JCAD: variants seen among roughly 807,000 people sequenced by gnomAD.
JCAD encodes the protein junctional cadherin 5-associated protein.
In JCAD, 40 loss-of-function variants were observed where a neutral mutation model predicts 98.0. The ratio of observed to expected loss-of-function variants is 0.41; its 90% CI spans 0.32 to 0.53. The LOEUF is 0.53. Ranked by LOEUF, JCAD falls within the 20% of genes least tolerant of loss-of-function variation. The pLI is 0.31. For synonymous variants in JCAD, 691 were observed against 682.3 expected, an observed-to-expected ratio of 1.01 and a Z score of -0.20; for missense variants, 1,705 against 1,738.1, an observed-to-expected ratio of 0.98 and a Z score of 0.34.
intron 1 of JCAD, among the ~76,000 whole-genome samples, chr10:30,102,177 T>C (rs1243990116): frequency 6.6e-6 from 1 of 152,176 alleles, no homozygotes; most frequent in Non-Finnish European, 1.5e-5. Flanking sequence ...TTAATGTTTT[T>C]TCTTTTTTTG....
chr10:30,100,451 G>A (rs576853498), intron 1 of JCAD, among the ~76,000 whole-genome samples: 1 of 152,002 alleles, frequency 6.6e-6, no homozygotes, highest in Non-Finnish European at 1.5e-5. Context: ...ACGCGATCTC[G>A]GTTCACTGCA....
intron 2 of JCAD, among the ~76,000 whole-genome samples, chr10:30,065,575 C>T (rs1031217903): frequency 2.0e-5 from 3 of 151,992 alleles, no homozygotes; most frequent in Non-Finnish European, 4.4e-5. Flanking sequence ...GATCACAGCT[C>T]ACTGCAGCCT....
intron 2 of JCAD, among the ~76,000 whole-genome samples, chr10:30,035,995 CA>C (rs1837102286): frequency 6.6e-6 from 1 of 152,154 alleles, no homozygotes; most frequent in Non-Finnish European, 1.5e-5. Flanking sequence ...ATGTGAAAAA[CA>C]ATATGTTTAA....
chr10:30,091,830 C>T, intron 1 of JCAD, among the ~76,000 whole-genome samples: 1 of 143,860 alleles, frequency 7.0e-6, no homozygotes, highest in Admixed American at 7.1e-5. Flanking sequence ...TCAAGAGCAG[C>T]CTGGCCAAAA....
rs1374850322 is a variant in JCAD at position 30,013,400 on chromosome 10, C to T, written c.*4483G>A. 1 of 152,186 alleles carries T rather than the reference C, an allele frequency of 6.6e-6. No homozygotes were observed. The highest frequency in any genetic ancestry group is 1.5e-5 in the Non-Finnish European group (1 of 68,036). The allele number at this position is 152,186 out of a possible 1,614,324, so 9.4% of individuals were successfully genotyped here. A position where few individuals can be genotyped will look rare whatever the true frequency, so the allele number is the denominator to read the frequency against. On this transcript the variant is annotated 3_prime_UTR_variant, in exon 4 of 4. Transcript: ENST00000375377. Reference sequence around the variant, plus strand: ...CCCGAGATGTTTCTGCTTAACTTCTCTGACAGGCCTGACTGTGAGGGCTCG... The same window carrying T: ...CCCGAGATGTTTCTGCTTAACTTCTTTGACAGGCCTGACTGTGAGGGCTCG...
Position 30,014,720 on chromosome 10 carries a change from T to A in JCAD, c.*3163A>T, listed in dbSNP as rs1042465956. ...TAAGTCATTTTGCTGCTGCAAAAAA[T>A]GATCACAGTCTGGTTTCTGAGTCAT... On this transcript the variant is annotated 3_prime_UTR_variant, in exon 4 of 4. Coordinates refer to ENST00000375377, the MANE Select transcript of JCAD (RefSeq NM_020848.4). 6 of 152,114 alleles carry A rather than the reference T, an allele frequency of 3.9e-5. No individual in the cohort carries two copies. Among genetic ancestry groups the A allele is most frequent in the Non-Finnish European group, 8.8e-5 (6 of 68,028 alleles). 9.4% of individuals were successfully genotyped at this position (152,114 alleles called of 1,614,324 possible). A position where few individuals can be genotyped will look rare whatever the true frequency, so the allele number is the denominator to read the frequency against.
intron 1 of JCAD, among the ~76,000 whole-genome samples, chr10:30,079,882 C>A (rs1165152174): frequency 6.6e-6 from 1 of 152,188 alleles, no homozygotes; most frequent in Non-Finnish European, 1.5e-5. Context: ...TTAGGTCAGG[C>A]CTCACTTGCT....
At chr10:30,110,078 C>A (rs1186725196) in intron 1 of JCAD, among the ~76,000 whole-genome samples, 1 of 151,868 alleles carries the variant, frequency 6.6e-6, no homozygotes, top group African/African-American at 2.4e-5. Context: ...GATGTATAAA[C>A]CCATGGATGT....
intron 1 of JCAD, among the ~76,000 whole-genome samples, chr10:30,094,203 A>G (rs1838331502): frequency 6.6e-6 from 1 of 152,074 alleles, no homozygotes; most frequent in African/African-American, 2.4e-5. Context: ...GCACTTTGGG[A>G]GGCCAAGACA....
chr10:30,094,381 G>A (rs373878002), intron 1 of JCAD, among the ~76,000 whole-genome samples: 5 of 152,106 alleles, frequency 3.3e-5, no homozygotes, highest in African/African-American at 9.6e-5. Context: ...CCCGGGAGGC[G>A]GGAGGTTGTG....
At chr10:30,040,588 C>T (rs138110831) in intron 2 of JCAD, among the ~76,000 whole-genome samples, 5 of 152,318 alleles carry the variant, frequency 3.3e-5, no homozygotes, top group East Asian at 1.9e-4. Flanking sequence ...CTCCGACCCA[C>T]GGTTCTTCAG....
intron 1 of JCAD, among the ~76,000 whole-genome samples, chr10:30,052,752 C>A (rs1389072705): frequency 6.6e-6 from 1 of 152,170 alleles, no homozygotes; most frequent in Non-Finnish European, 1.5e-5. Context: ...CCCGTCAGCA[C>A]CCTCCCTTGC....
At chr10:30,043,550 G>A (rs147123326) in intron 2 of JCAD, among the ~76,000 whole-genome samples, 6 of 151,790 alleles carry the variant, frequency 4.0e-5, no homozygotes, top group Admixed American at 1.3e-4. Flanking sequence ...GCATTATCTC[G>A]TGTAGACAGG....
In JCAD at chr10:30,041,173, C is replaced by T. The variant is rs547986637; in HGVS notation, c.281+6359G>A. On this transcript the variant is annotated intron_variant, in intron 2 of 3. Transcript: ENST00000375377. ...GCAGGAGACAGGACCAGCTTCCAGG[C>T]GCTTCTGGAAGTTTCCACACTTACG... is the stretch of plus-strand genomic sequence containing the variant. Among the ~76,000 whole-genome samples the T allele has an allele frequency of 9.2e-5, 14 of 152,044 alleles. No homozygotes were observed. In the South Asian group the frequency reaches 2.5e-3, roughly 27 times the overall value.
chr10:30,100,792 A>G (rs1588655069), intron 1 of JCAD, among the ~76,000 whole-genome samples: 1 of 152,338 alleles, frequency 6.6e-6, no homozygotes, highest in South Asian at 2.1e-4. Flanking sequence ...CACAGCCCTC[A>G]GGAGATCCTG....
chr10:30,095,031 C>T (rs1410447419), intron 1 of JCAD, among the ~76,000 whole-genome samples: 1 of 152,096 alleles, frequency 6.6e-6, no homozygotes, highest in Non-Finnish European at 1.5e-5. Flanking sequence ...GGATCTTGGC[C>T]GGTGCACCTC....
intron 1 of JCAD, among the ~76,000 whole-genome samples, chr10:30,104,777 T>C (rs1206654300): frequency 7.3e-6 from 1 of 137,380 alleles, no homozygotes; most frequent in East Asian, 2.2e-4. Context: ...TCAAAAGTTT[T>C]TTGTTTTTGT....
At chr10:30,080,748 T>C (rs1387143527) in intron 1 of JCAD, among the ~76,000 whole-genome samples, 3 of 151,746 alleles carry the variant, frequency 2.0e-5, no homozygotes, top group African/African-American at 7.3e-5. Flanking sequence ...CATTTCCCCC[T>C]CTGGAATGAT....
chr10:30,110,818 A>G (rs1838683726), intron 1 of JCAD, among the ~76,000 whole-genome samples: 1 of 151,828 alleles, frequency 6.6e-6, no homozygotes, highest in South Asian at 2.1e-4. Flanking sequence ...CAGCTGATGT[A>G]TGCACCCACT....
Sources: allele counts gnomAD v4.1 joint callset (sites outside exome capture counted in the v4.1 genomes callset), GRCh38; gene constraint gnomAD v4.1.1; transcripts MANE v1.5; gene names NCBI Gene and HGNC (gene_info 2026-07-23, HGNC 2026-07-21).